Variants in DNAH5 observed in about 807,000 individuals in gnomAD.
DNAH5 encodes the protein dynein axonemal heavy chain 5, also known as axonemal beta dynein heavy chain 5.
In DNAH5, 372 loss-of-function variants were observed where a neutral mutation model predicts 518.2. That is an observed-to-expected ratio of 0.72 (90% CI 0.66 to 0.78). The LOEUF (loss-of-function observed/expected upper bound fraction) is 0.78, where lower values mean the gene tolerates loss of function less well. Among genes scored for constraint, DNAH5 ranks in the 30% least tolerant of loss-of-function variants. The pLI, the probability that DNAH5 is intolerant of heterozygous loss-of-function variation, is 0.00. For synonymous variants in DNAH5, 2,039 were observed against 2,025.9 expected (o/e 1.01, Z -0.17); for missense variants, 5,523 against 5,687.0 (o/e 0.97, Z 0.93).
intron 53 of DNAH5, among the ~76,000 whole-genome samples, chr5:13,777,905 G>A (rs951543720): frequency 8.5e-5 from 13 of 152,178 alleles, no homozygotes; most frequent in Admixed American, 5.2e-4. Context: ...ACCTGGAAAC[G>A]TTGTGAAATA....
chr5:13,976,345 G>A (rs892162014), intron 1 of DNAH5, among the ~76,000 whole-genome samples: 8 of 152,094 alleles, frequency 5.3e-5, no homozygotes, highest in African/African-American at 1.9e-4. Flanking sequence ...GTTTTAAATT[G>A]TACACTATAC....
At chr5:13,928,046 T>C in intron 3 of DNAH5, 48 bp downstream of exon 3, 3 of 1,492,230 alleles carry the variant, frequency 2.0e-6, no homozygotes, top group Non-Finnish European at 2.8e-6. Flanking sequence ...TACCCTCAGA[T>C]AAATCTAATA....
chr5:13,697,929 T>C (rs1357915020), intron 78 of DNAH5, among the ~76,000 whole-genome samples: 2 of 152,242 alleles, frequency 1.3e-5, no homozygotes, highest in Non-Finnish European at 2.9e-5. Context: ...TAAAATTTCA[T>C]GTGTTGAAAA....
intron 66 of DNAH5, 117 bp from the exon 67 acceptor site, chr5:13,736,049 G>C (rs1466568907): frequency 2.6e-6 from 2 of 772,844 alleles, no homozygotes; most frequent in Non-Finnish European, 4.6e-6. Context: ...GGCAGTGGCT[G>C]CCTACCAGAT....
At chr5:13,718,588 A>G (rs551809895) in intron 72 of DNAH5, among the ~76,000 whole-genome samples, 77 of 152,302 alleles carry the variant, frequency 5.1e-4, no homozygotes, top group African/African-American at 1.8e-3. Context: ...GAGCATAAAG[A>G]CCATAAATGA....
intron 70 of DNAH5, among the ~76,000 whole-genome samples, chr5:13,721,640 T>G (rs1254063654): frequency 1.3e-5 from 2 of 152,218 alleles, no homozygotes; most frequent in Non-Finnish European, 2.9e-5. Flanking sequence ...ATGTAATGGG[T>G]ACTGATTAAA....
chr5:13,807,345 T>C (rs1355785400), intron 47 of DNAH5, among the ~76,000 whole-genome samples: 6 of 152,220 alleles, frequency 3.9e-5, no homozygotes, highest in Admixed American at 2.6e-4. Context: ...ACATAGATAT[T>C]TTAAACCGCA....
chr5:13,717,487 C>A lies in DNAH5; in HGVS notation c.12533G>T (p.Gly4178Val), dbSNP rs372829113. ...VSQDLLDVSS[G>V]SQWKPMLYAV... The stretch of plus-strand genomic sequence containing the variant: ...GTACAGCATGGGCTTCCACTGGGAC[C>A]CAGAGCTCACGTCCAGCAGGTCTTG... The change falls in exon 73 of 79, where the codon GGG (glycine) becomes GTG (valine). Residue 4178 changes from glycine to valine, a missense_variant. Gly to Val is a moderately radical substitution (Grantham distance 109). This residue lies in a region of DNAH5 where 5,121 missense variants were observed against 5,223.3 expected (regional missense o/e 0.98). Coordinates refer to ENST00000265104, the MANE Select transcript of DNAH5 (RefSeq NM_001369.3). 2 of 1,614,124 alleles carry A rather than the reference C, an allele frequency of 1.2e-6. No homozygotes were observed. The highest frequency in any genetic ancestry group is 1.7e-6 in the Non-Finnish European group (2 of 1,180,012).
rs770305701 is a variant in DNAH5, at chr5:13,829,990, G to A, written c.6249+36C>T. On this transcript the variant is annotated intron_variant, in intron 37 of 78. Coordinates refer to ENST00000265104, the MANE Select transcript of DNAH5 (RefSeq NM_001369.3). Reference sequence around the variant, plus strand: ...AGATGCATGAAAATTGTGATAAGAAGGCTGAAATTCAGTAGCTTTTCTAGC... The same window carrying A: ...AGATGCATGAAAATTGTGATAAGAAAGCTGAAATTCAGTAGCTTTTCTAGC... The A allele has an allele frequency of 4.4e-6, 7 of 1,583,330 alleles. No individual in the cohort carries two copies. The South Asian group carries it at 7.8e-5, about 18-fold the overall frequency.
intron 1 of DNAH5, among the ~76,000 whole-genome samples, chr5:14,001,053 A>C (rs1023555456): frequency 1.3e-5 from 2 of 152,220 alleles, no homozygotes; most frequent in African/African-American, 4.8e-5. Context: ...AGAAAACCAA[A>C]TATTGCATGT....
At chr5:13,793,892 A>G (rs752200591) in intron 48 of DNAH5, 44 bp downstream of exon 48, 24 of 1,608,550 alleles carry the variant, frequency 1.5e-5, no homozygotes, top group South Asian at 1.4e-4. Flanking sequence ...AGAATAAATC[A>G]ATACCAAATT....
In DNAH5 at chr5:13,900,418, G is replaced by A. The variant is rs1299437904; in HGVS notation, c.2053-6C>T. On this transcript the variant is annotated splice_polypyrimidine_tract_variant and splice_region_variant and intron_variant, in intron 14 of 78. Transcript: ENST00000265104. ...CCTACATGAATTTCTTCAATCTGTGGGAAGAAACCAACATCATTACTATCA... is the reference window on the plus strand; with the variant it reads ...CCTACATGAATTTCTTCAATCTGTGAGAAGAAACCAACATCATTACTATCA... The A allele has an allele frequency of 6.8e-6, 11 of 1,611,422 alleles. No homozygotes were observed. Among genetic ancestry groups the A allele is most frequent in the Non-Finnish European group, 8.5e-6 (10 of 1,177,660 alleles).
chr5:13,907,228 C>G lies in DNAH5; in HGVS notation c.1644+4158G>C, dbSNP rs192085140. ...GGTGGATCACTTAAGGTCAGGAGTTCGAGACCAGTCTGGCCAACATGCTGA... is the reference window on the plus strand; with the variant it reads ...GGTGGATCACTTAAGGTCAGGAGTTGGAGACCAGTCTGGCCAACATGCTGA... On this transcript the variant is annotated intron_variant, in intron 12 of 78. Coordinates refer to ENST00000265104, the MANE Select transcript of DNAH5 (RefSeq NM_001369.3). Among the ~76,000 whole-genome samples the G allele has an allele frequency of 2.6e-5, 4 of 152,146 alleles. No individual in the cohort carries two copies. The East Asian group carries it at 7.8e-4, about 30-fold the overall frequency.
chr5:13,781,194 C>G (rs1306252650), intron 52 of DNAH5, among the ~76,000 whole-genome samples: 2 of 151,928 alleles, frequency 1.3e-5, no homozygotes, highest in African/African-American at 2.4e-5. Context: ...TAGGAGGACA[C>G]CAGGGCAGAA....
chr5:13,878,228 A>G (rs774274687), intron 21 of DNAH5, among the ~76,000 whole-genome samples: 12 of 152,164 alleles, frequency 7.9e-5, no homozygotes, highest in African/African-American at 9.7e-5. Flanking sequence ...CCACCTCCCA[A>G]AGGACTCAAT....
Position 13,935,676 on chromosome 5 carries a change from T to A in DNAH5, c.58-4432A>T, listed in dbSNP as rs189568748. Among the ~76,000 whole-genome samples the A allele has an allele frequency of 1.2e-3, 186 of 152,306 alleles. 2 individuals are homozygous for A. The highest frequency in any genetic ancestry group is 4.2e-3 in the African/African-American group (175 of 41,580). On this transcript the variant is annotated intron_variant, in intron 1 of 78. Transcript: ENST00000265104. ...TTAACTACCATAAAAAAGTCAATAATGTCAAACAAATATTTAGCAATTAGA... is the reference window on the plus strand; with the variant it reads ...TTAACTACCATAAAAAAGTCAATAAAGTCAAACAAATATTTAGCAATTAGA...
rs373727231 is a variant in DNAH5 at position 13,901,434 on chromosome 5, C to T, written c.1870G>A (p.Ala624Thr). ...TGGCGGGCCCACAAAATCTTTCCAGCGATGGGAGGCTGGTTTCGAGCCAGA... is the reference window on the plus strand; with the variant it reads ...TGGCGGGCCCACAAAATCTTTCCAGTGATGGGAGGCTGGTTTCGAGCCAGA... ...PPLARNQPPI[A>T]GKILWARQLF... is the part of the protein sequence containing the mutation. Residue 624 changes from alanine (A) to threonine (T), a missense_variant, in exon 14 of 79, where the codon GCT becomes ACT. Physicochemically the swap from Ala to Thr is moderately conservative, Grantham distance 58. Around this residue, in one of 3 missense-constraint regions of DNAH5, gnomAD observed 5,121 missense variants for 5,223.3 expected, o/e 0.98. Coordinates refer to ENST00000265104, the MANE Select transcript of DNAH5 (RefSeq NM_001369.3). The T allele has an allele frequency of 1.4e-5, 23 of 1,613,864 alleles. No individual in the cohort carries two copies. Among genetic ancestry groups the T allele is most frequent in the Middle Eastern group, 1.6e-4 (1 of 6,084 alleles).
Position 13,720,140 on chromosome 5 carries a change from C to G in DNAH5, c.12279+860G>C, listed in dbSNP as rs371094277. 2.3e-4 allele frequency among the ~76,000 whole-genome samples: 34 copies of G among 149,538 alleles called. No homozygotes were observed. In the East Asian group the frequency reaches 5.1e-3, roughly 23 times the overall value. ...AAAAAAAAAAAAACAAGCACTAGAT[C>G]TAAAGTCTTAGCAGAGTTACACGTA... On this transcript the variant is annotated intron_variant, in intron 71 of 78. Coordinates refer to ENST00000265104, the MANE Select transcript of DNAH5 (RefSeq NM_001369.3).
At chr5:13,922,946 C>T (rs765637865) in intron 4 of DNAH5, among the ~76,000 whole-genome samples, 5 of 151,808 alleles carry the variant, frequency 3.3e-5, no homozygotes, top group Non-Finnish European at 5.9e-5. Context: ...GTTATATATC[C>T]ACTTTCAGAA....
Sources: allele counts gnomAD v4.1 joint callset (sites outside exome capture counted in the v4.1 genomes callset), GRCh38; gene constraint gnomAD v4.1.1; regional missense constraint gnomAD v4.1.1; transcripts MANE v1.5; gene names NCBI Gene and HGNC (gene_info 2026-07-23, HGNC 2026-07-21).